The following HECW2 variants were observed in gnomAD, a reference collection of about 807,000 sequenced individuals.
The protein encoded by HECW2 is E3 ubiquitin-protein ligase HECW2.
In HECW2, 61 loss-of-function variants were observed where a neutral mutation model predicts 175.2. That is an observed-to-expected ratio of 0.35 (90% CI 0.28 to 0.43). The LOEUF (loss-of-function observed/expected upper bound fraction) is 0.43, where lower values mean the gene tolerates loss of function less well. Among genes scored for constraint, HECW2 ranks in the 20% least tolerant of loss-of-function variants. The pLI, the probability that HECW2 is intolerant of heterozygous loss-of-function variation, is 1.00. For synonymous variants in HECW2, 671 were observed against 731.0 expected (o/e 0.92, Z 1.32); for missense variants, 1,524 against 2,000.5 (o/e 0.76, Z 4.54).
intron 2 of HECW2, among the ~76,000 whole-genome samples, chr2:196,385,806 G>GT (rs146540398): frequency 4.6e-5 from 7 of 151,956 alleles, no homozygotes; most frequent in South Asian, 2.1e-4. Context: ...CATGGGTTTT[G>GT]TTTTTTTTCC....
At chr2:196,461,080 A>C (rs1248163720) in intron 1 of HECW2, among the ~76,000 whole-genome samples, 1 of 152,146 alleles carries the variant, frequency 6.6e-6, no homozygotes, top group African/African-American at 2.4e-5. Context: ...AACAGTTGTA[A>C]TAGATAAAAT....
Position 196,426,450 on chromosome 2 carries a change from G to A in HECW2, c.292+6682C>T, listed in dbSNP as rs571730237. Among the ~76,000 whole-genome samples, 3 of 151,956 alleles carry A rather than the reference G, an allele frequency of 2.0e-5. No homozygotes were observed. The South Asian group carries it at 6.3e-4, about 32-fold the overall frequency. On this transcript the variant is annotated intron_variant, in intron 2 of 28. Transcript: ENST00000644978. ...TGATAACAGCCATTCTAATAGGTGTGGGGTGATATCTCATTGTGGTTTGAA... is the reference window on the plus strand; with the variant it reads ...TGATAACAGCCATTCTAATAGGTGTAGGGTGATATCTCATTGTGGTTTGAA...
chr2:196,473,392 G>A (rs1004357996), intron 1 of HECW2, among the ~76,000 whole-genome samples: 3 of 152,044 alleles, frequency 2.0e-5, no homozygotes, highest in Admixed American at 2.0e-4. Flanking sequence ...CCTGCACAGT[G>A]GTATGTCATG....
At chr2:196,308,203 C>T in intron 10 of HECW2, 118 bp from the exon 11 acceptor site, 3 of 678,540 alleles carry the variant, frequency 4.4e-6, no homozygotes, top group Non-Finnish European at 4.6e-6. Flanking sequence ...AGACTAATAA[C>T]ATACATCTCA....
At chr2:196,318,090 C>T (rs892188872) in intron 9 of HECW2, among the ~76,000 whole-genome samples, 2 of 152,172 alleles carry the variant, frequency 1.3e-5, no homozygotes, top group African/African-American at 4.8e-5. Flanking sequence ...GCAGATTACA[C>T]TAAGGTTGAA....
At chr2:196,217,685 A>T (rs994406993) in intron 26 of HECW2, 1 of 152,260 alleles carries the variant, frequency 6.6e-6, no homozygotes, top group African/African-American at 2.4e-5. Flanking sequence ...TCCTTAAATA[A>T]ATCCTGAGTA....
chr2:196,212,640 A>G (rs920732314), intron 28 of HECW2, among the ~76,000 whole-genome samples: 1 of 152,198 alleles, frequency 6.6e-6, no homozygotes, highest in African/African-American at 2.4e-5. Flanking sequence ...TATTGTGAAC[A>G]GAGCTGCAAT....
chr2:196,536,151 G>A (rs926077178), intron 1 of HECW2, among the ~76,000 whole-genome samples: 1 of 152,114 alleles, frequency 6.6e-6, no homozygotes, highest in African/African-American at 2.4e-5. Context: ...GCCAAGGGTG[G>A]GCATGAAGGA....
rs1204691859 is a variant in HECW2 at position 196,195,755 on chromosome 2, T to C, written c.*5522A>G. The stretch of plus-strand genomic sequence containing the variant: ...TCATTTCATACATGGTGTTCAATAA[T>C]AGTAACAATAATTCTTAAATAAAAA... On this transcript the variant is annotated 3_prime_UTR_variant, in exon 29 of 29. Transcript: ENST00000644978. 1 of 152,194 alleles carries C rather than the reference T, an allele frequency of 6.6e-6. No individual in the cohort carries two copies. The highest frequency in any genetic ancestry group is 1.5e-5 in the Non-Finnish European group (1 of 68,026). 9.4% of individuals were successfully genotyped at this position (152,194 alleles called of 1,614,324 possible). A position where few individuals can be genotyped will look rare whatever the true frequency, so the allele number is the denominator to read the frequency against.
intron 1 of HECW2, among the ~76,000 whole-genome samples, chr2:196,581,971 C>T (rs1337302325): frequency 6.6e-6 from 1 of 151,898 alleles, no homozygotes; most frequent in African/African-American, 2.4e-5. Flanking sequence ...GAGGCTGAGG[C>T]AAGAGAATGA....
intron 26 of HECW2, among the ~76,000 whole-genome samples, chr2:196,218,827 CAA>C (rs1425714401): frequency 6.6e-6 from 1 of 152,078 alleles, no homozygotes; most frequent in Admixed American, 6.5e-5. Context: ...TTATAATAAC[CAA>C]AGAGATACAT....
chr2:196,475,371 A>G (rs1686543424), intron 1 of HECW2, among the ~76,000 whole-genome samples: 1 of 141,194 alleles, frequency 7.1e-6, no homozygotes, highest in South Asian at 2.5e-4. Context: ...GGAAGAGGGG[A>G]GATAGGAAGA....
At chr2:196,380,770 C>T (rs1694187099) in intron 2 of HECW2, among the ~76,000 whole-genome samples, 1 of 152,104 alleles carries the variant, frequency 6.6e-6, no homozygotes. Flanking sequence ...GGTTGCAGAG[C>T]TTCTGGTTTT....
At chr2:196,471,437 T>C (rs1380729409) in intron 1 of HECW2, among the ~76,000 whole-genome samples, 1 of 152,138 alleles carries the variant, frequency 6.6e-6, no homozygotes, top group Non-Finnish European at 1.5e-5. Context: ...AACAGAATTA[T>C]CATTTGACCC....
chr2:196,334,278 T>A, intron 4 of HECW2, 146 bp downstream of exon 4: 1 of 582,926 alleles, frequency 1.7e-6, no homozygotes, highest in South Asian at 2.7e-5. Flanking sequence ...CCTTGTAAGC[T>A]ATTTCCTTTC....
chr2:196,430,507 T>C (rs1038536425), intron 2 of HECW2, among the ~76,000 whole-genome samples: 1 of 152,190 alleles, frequency 6.6e-6, no homozygotes, highest in African/African-American at 2.4e-5. Context: ...TTAAAGTAGC[T>C]ATATTCAATT....
chr2:196,334,939 A>G (rs1018144487), intron 3 of HECW2, among the ~76,000 whole-genome samples: 5 of 152,154 alleles, frequency 3.3e-5, no homozygotes, highest in African/African-American at 9.7e-5. Context: ...TCAGACAGAT[A>G]AGAAATGAGA....
intron 1 of HECW2, among the ~76,000 whole-genome samples, chr2:196,478,737 A>C (rs1036632356): frequency 2.0e-5 from 3 of 152,098 alleles, no homozygotes; most frequent in African/African-American, 7.2e-5. Flanking sequence ...GGCCCTAGAA[A>C]GCTACCTTCC....
chr2:196,280,680 C>T (rs1345674278), intron 14 of HECW2, among the ~76,000 whole-genome samples: 12 of 152,194 alleles, frequency 7.9e-5, no homozygotes, highest in Non-Finnish European at 1.5e-4. Flanking sequence ...GTAAAAAGTA[C>T]TCCAGTGATA....
Sources: allele counts gnomAD v4.1 joint callset (sites outside exome capture counted in the v4.1 genomes callset), GRCh38; gene constraint gnomAD v4.1.1; transcripts MANE v1.5; gene names NCBI Gene and HGNC (gene_info 2026-07-23, HGNC 2026-07-21).